PROS1: variants seen among roughly 807,000 people sequenced by gnomAD.
PROS1 encodes the protein vitamin K-dependent protein S.
Under a neutral mutation model 75.9 loss-of-function variants are expected in PROS1, and 29 were observed. That is an observed-to-expected ratio of 0.38 (90% CI 0.28 to 0.52). The LOEUF is 0.52. Ranked by LOEUF, PROS1 falls within the 20% of genes least tolerant of loss-of-function variation. PROS1 has a pLI of 0.83. For missense variants in PROS1, 680 were observed against 810.3 expected (o/e 0.84, Z 1.95); for synonymous variants, 245 against 280.6 (o/e 0.87, Z 1.27).
chr3:93,945,832 T>A (rs973694246), intron 1 of PROS1, among the ~76,000 whole-genome samples: 10 of 152,184 alleles, frequency 6.6e-5, no homozygotes, highest in African/African-American at 2.2e-4. Flanking sequence ...GAGAAGGAAA[T>A]AAAGGGCATT....
chr3:93,921,416 G>A (rs1708942354), intron 3 of PROS1, among the ~76,000 whole-genome samples: 1 of 152,034 alleles, frequency 6.6e-6, no homozygotes, highest in Non-Finnish European at 1.5e-5. Context: ...CTTAGAATAA[G>A]CTCATTTTTT....
intron 3 of PROS1, among the ~76,000 whole-genome samples, chr3:93,919,333 A>G (rs1708909122): frequency 6.6e-6 from 1 of 151,512 alleles, no homozygotes; most frequent in Non-Finnish European, 1.5e-5. Flanking sequence ...GTAATATCTC[A>G]TTATTTTTCT....
intron 1 of PROS1, among the ~76,000 whole-genome samples, chr3:93,938,038 A>T (rs1182596133): frequency 6.6e-6 from 1 of 152,166 alleles, no homozygotes; most frequent in Non-Finnish European, 1.5e-5. Flanking sequence ...TCCCCATCCC[A>T]ATGTACATGA....
At chr3:93,944,578 G>T (rs894677759) in intron 1 of PROS1, among the ~76,000 whole-genome samples, 2 of 152,130 alleles carry the variant, frequency 1.3e-5, no homozygotes, top group African/African-American at 2.4e-5. Context: ...CGAAATGAAG[G>T]CAGAAATAAA....
At chr3:93,897,078 T>G (rs1708513412) in intron 8 of PROS1, among the ~76,000 whole-genome samples, 1 of 152,096 alleles carries the variant, frequency 6.6e-6, no homozygotes. Flanking sequence ...TTATTTGAAG[T>G]CAGAAATAGG....
chr3:93,882,101 C>A (rs1253045287), intron 12 of PROS1, among the ~76,000 whole-genome samples: 2 of 151,970 alleles, frequency 1.3e-5, no homozygotes, highest in Non-Finnish European at 1.5e-5. Context: ...ATATTCAAAC[C>A]TACAAAATTT....
rs535566909 is a variant in PROS1, at chr3:93,928,321, T to A, written c.77-914A>T. Among the ~76,000 whole-genome samples the A allele has an allele frequency of 7.2e-3, 1,022 of 142,770 alleles. 8 individuals carry two copies. The highest frequency in any genetic ancestry group is 0.025 in the African/African-American group (958 of 38,982). 93.7% of individuals were successfully genotyped at this position (142,770 alleles called of 152,430 possible). ...ACTCCAGCCAGTAAGACCCTCATTC[T>A]AAAAAAAAAAATCTGAAAAAAAAGA... is the stretch of plus-strand genomic sequence containing the variant. On this transcript the variant is annotated intron_variant, in intron 1 of 14. Transcript: ENST00000394236.
chr3:93,917,655 G>A (rs1708877874), intron 3 of PROS1, among the ~76,000 whole-genome samples: 1 of 152,172 alleles, frequency 6.6e-6, no homozygotes, highest in African/African-American at 2.4e-5. Flanking sequence ...CCTGGTGGGC[G>A]TGGGCTTGGC....
At chr3:93,969,287 A>G (rs553100200) in intron 1 of PROS1, among the ~76,000 whole-genome samples, 8 of 152,216 alleles carry the variant, frequency 5.3e-5, no homozygotes, top group South Asian at 2.1e-4. Flanking sequence ...CCTGGAACCA[A>G]TTGAGGAGAG....
chr3:93,898,146 C>G (rs141388321), intron 8 of PROS1, among the ~76,000 whole-genome samples: 12 of 152,068 alleles, frequency 7.9e-5, no homozygotes, highest in Admixed American at 3.3e-4. Context: ...CTATTAAACT[C>G]AGCTTTTCTT....
At chr3:93,936,602 G>T (rs903518423) in intron 1 of PROS1, among the ~76,000 whole-genome samples, 1 of 152,096 alleles carries the variant, frequency 6.6e-6, no homozygotes, top group Admixed American at 6.6e-5. Context: ...CAGGAAAAAA[G>T]CCTGCACCAG....
chr3:93,912,467 G>A (rs941180132), intron 3 of PROS1, among the ~76,000 whole-genome samples: 1 of 152,154 alleles, frequency 6.6e-6, no homozygotes, highest in Non-Finnish European at 1.5e-5. Context: ...GGAGGGGCAG[G>A]CAGGGTGGAG....
chr3:93,914,550 T>A (rs553209066), intron 3 of PROS1, among the ~76,000 whole-genome samples: 1 of 152,274 alleles, frequency 6.6e-6, no homozygotes, highest in East Asian at 1.9e-4. Flanking sequence ...CTCTGGAAAC[T>A]GCATCAAGGT....
At chr3:93,892,784 C>T in intron 10 of PROS1, 149 bp downstream of exon 10, 1 of 710,182 alleles carries the variant, frequency 1.4e-6, no homozygotes, top group Middle Eastern at 3.9e-4. Context: ...TCTCAGGATG[C>T]TTCAGGGATT....
chr3:93,927,905 G>C (rs1295100209), intron 1 of PROS1, among the ~76,000 whole-genome samples: 1 of 137,446 alleles, frequency 7.3e-6, no homozygotes, highest in Non-Finnish European at 1.5e-5. Context: ...ATATATGTGT[G>C]TGTGTGTGTA....
intron 6 of PROS1, among the ~76,000 whole-genome samples, chr3:93,905,188 G>GCA (rs1389471275): frequency 2.0e-5 from 3 of 152,198 alleles, no homozygotes; most frequent in African/African-American, 7.2e-5. Flanking sequence ...ATTTTGCAAA[G>GCA]TTTGTAGCAT....
chr3:93,947,732 A>G (rs1346132514), intron 1 of PROS1, among the ~76,000 whole-genome samples: 1 of 151,756 alleles, frequency 6.6e-6, no homozygotes, highest in Non-Finnish European at 1.5e-5. Flanking sequence ...ACACCCGGCT[A>G]ATTTTTTTGT....
chr3:93,961,085 C>T (rs1709700020), intron 1 of PROS1, among the ~76,000 whole-genome samples: 1 of 151,812 alleles, frequency 6.6e-6, no homozygotes, highest in Non-Finnish European at 1.5e-5. Flanking sequence ...AAAAGGGAAA[C>T]AAAATCATAA....
intron 6 of PROS1, 64 bp from the exon 7 acceptor site, chr3:93,900,993 C>G (rs1708585651): frequency 3.2e-6 from 5 of 1,558,024 alleles, no homozygotes; most frequent in Admixed American, 3.5e-5. Flanking sequence ...ACCAAAGAAC[C>G]CTTGATTTGT....
Sources: gnomAD v4.1 joint callset for allele counts (sites outside exome capture counted in the v4.1 genomes callset) on GRCh38, gnomAD v4.1.1 for gene constraint, MANE v1.5 for transcripts, NCBI Gene and HGNC (gene_info 2026-07-23, HGNC 2026-07-21) for gene names.